The following ABHD14B variants were observed in gnomAD, a reference collection of about 807,000 sequenced individuals.
ABHD14B encodes the protein putative protein-lysine deacylase ABHD14B.
ABHD14B carries 19 observed loss-of-function variants against 15.4 expected under a neutral mutation model. The observed-to-expected ratio is 1.23, with a 90% CI of 0.86 to 1.81. The LOEUF is 1.81. Ranked by LOEUF, ABHD14B falls within the 40% of genes most tolerant of loss-of-function variation. ABHD14B has a pLI of 0.00. For missense variants in ABHD14B, 243 were observed against 267.0 expected, an observed-to-expected ratio of 0.91 and a Z score of 0.63; for synonymous variants, 92 against 117.3, an observed-to-expected ratio of 0.78 and a Z score of 1.39.
In ABHD14B at chr3:51,969,267, G is replaced by C. The variant is rs1489132106; in HGVS notation, c.*159C>G. 1 of 777,892 alleles carries C rather than the reference G, an allele frequency of 1.3e-6. No individual in the cohort carries two copies. Among genetic ancestry groups the C allele is most frequent in the East Asian group, 2.7e-5 (1 of 37,112 alleles). 48.2% of individuals were successfully genotyped at this position (777,892 alleles called of 1,614,324 possible). ...TCAGTCTATCACTGCAAGAGAAAGA[G>C]GTAGAAAAGACAAACAGACCACAAA... On this transcript the variant is annotated 3_prime_UTR_variant, in exon 4 of 4. Coordinates refer to ENST00000361143, the MANE Select transcript of ABHD14B (RefSeq NM_001146314.2).
chr3:51,973,977 G>T lies in ABHD14B; in HGVS notation c.-41C>A, dbSNP rs1700722586. On this transcript the variant is annotated 5_prime_UTR_variant, in exon 1 of 4. Coordinates refer to ENST00000361143, the MANE Select transcript of ABHD14B (RefSeq NM_001146314.2). The stretch of plus-strand genomic sequence containing the variant: ...GCAGGGCGGGTACCTGGGGAGCTGC[G>T]TGGACTCGCGCAGACGGGAAGCAGG... The T allele has an allele frequency of 1.6e-6, 2 of 1,289,468 alleles. No homozygotes were observed. Among genetic ancestry groups the T allele is most frequent in the East Asian group, 1.1e-4 (2 of 18,038 alleles). The allele number at this position is 1,289,468 out of a possible 1,614,324, so 79.9% of individuals were successfully genotyped here.
intron 1 of ABHD14B, among the ~76,000 whole-genome samples, chr3:51,972,077 TCTA>T (rs888414253): frequency 1.4e-5 from 2 of 140,420 alleles, no homozygotes; most frequent in African/African-American, 5.4e-5. Context: ...GAACCCCGTC[TCTA>T]CTAAAAAGAA....
Position 51,970,188 on chromosome 3 carries a change from C to T in ABHD14B, c.212-4G>A. 6.6e-7 allele frequency: 1 copy of T among 1,522,092 alleles called. No individual in the cohort carries two copies. The highest frequency in any genetic ancestry group is 8.8e-7 in the Non-Finnish European group (1 of 1,138,496). 94.3% of individuals were successfully genotyped at this position (1,522,092 alleles called of 1,614,324 possible). On this transcript the variant is annotated splice_region_variant and splice_polypyrimidine_tract_variant and intron_variant, in intron 2 of 3. Transcript: ENST00000361143. ...GCTTCCTTGGAGTGCCCCAGACCTG[C>T]AGGGATTCAGGTGTGAAAGAGACAA...
At chr3:51,971,199 G>A (rs1700645837) in intron 2 of ABHD14B, 1 of 485,960 alleles carries the variant, frequency 2.1e-6, no homozygotes, top group African/African-American at 1.9e-5. Context: ...AGGAAACAGA[G>A]GCTCAGAGAC....
At position 51,969,606 on chromosome 3, in the gene ABHD14B, C is replaced by G; in HGVS notation, c.454-1G>C. The G allele has an allele frequency of 6.2e-7, 1 of 1,610,594 alleles. No individual in the cohort carries two copies. The highest frequency in any genetic ancestry group is 8.5e-7 in the Non-Finnish European group (1 of 1,178,380). ...CTCCATATACAATCAGAGCTGGAGT[C>G]TGAGAGGAAGGATAGGGGGGTGGGG... On this transcript the variant is annotated splice_acceptor_variant, in intron 3 of 3. Coordinates refer to ENST00000361143, the MANE Select transcript of ABHD14B (RefSeq NM_001146314.2). LOFTEE classifies it high-confidence loss of function.
In ABHD14B at chr3:51,969,868, C is replaced by T. The variant is rs1577708261; in HGVS notation, c.453+75G>A. 4 of 1,612,336 alleles carry T rather than the reference C, an allele frequency of 2.5e-6. No individual in the cohort carries two copies. The East Asian group carries it at 8.9e-5, about 36-fold the overall frequency. ...AAGACACCCCTTGATTATCCAGCCC[C>T]CAGATGAGGAAAGCCCAGGGATGCA... On this transcript the variant is annotated intron_variant, in intron 3 of 3. Coordinates refer to ENST00000361143, the MANE Select transcript of ABHD14B (RefSeq NM_001146314.2).
Position 51,969,854 on chromosome 3 carries a change from T to C in ABHD14B, c.453+89A>G, listed in dbSNP as rs747155520. On this transcript the variant is annotated intron_variant, in intron 3 of 3. Transcript: ENST00000361143. ...TCAGCTCCTCCCAGAAGACACCCCT[T>C]GATTATCCAGCCCCCAGATGAGGAA... is the stretch of plus-strand genomic sequence containing the variant. 5.0e-6 allele frequency: 8 copies of C among 1,608,448 alleles called. No homozygotes were observed. In the African/African-American group the frequency reaches 6.7e-5, roughly 13 times the overall value.
At chr3:51,972,507 A>G (rs1005539270) in intron 1 of ABHD14B, among the ~76,000 whole-genome samples, 2 of 152,182 alleles carry the variant, frequency 1.3e-5, no homozygotes, top group Non-Finnish European at 2.9e-5. Flanking sequence ...CAGGAGGCAG[A>G]GGTTGCAGTG....
intron 1 of ABHD14B, 90 bp from the exon 2 acceptor site, chr3:51,971,788 G>T: frequency 6.8e-7 from 1 of 1,469,522 alleles, no homozygotes; most frequent in Non-Finnish European, 9.0e-7. Flanking sequence ...CCTCCAGGAG[G>T]TTTCCAGAAC....
At chr3:51,972,236 CAAAA>C (rs1167050121) in intron 1 of ABHD14B, among the ~76,000 whole-genome samples, 1 of 40,880 alleles carries the variant, frequency 2.4e-5, no homozygotes, top group Non-Finnish European at 4.8e-5. Context: ...GACTCGGTCA[CAAAA>C]AAAAAAAAAA....
intron 3 of ABHD14B, 102 bp from the exon 4 acceptor site, chr3:51,969,707 G>A: frequency 6.8e-7 from 1 of 1,475,292 alleles, no homozygotes; most frequent in Non-Finnish European, 9.3e-7. Flanking sequence ...CCCCATATGA[G>A]GGAGAGAGAC....
Position 51,969,527 on chromosome 3 carries a change from G to A in ABHD14B, c.532C>T (p.His178Tyr), listed in dbSNP as rs763679243. 46 of 1,613,842 alleles carry A rather than the reference G, an allele frequency of 2.9e-5. No homozygotes were observed. The East Asian group carries it at 4.7e-4, about 16-fold the overall frequency. The stretch of plus-strand genomic sequence containing the variant: ...GCCCCCTTCATGATCAGCACCCGGT[G>A]GTTGGGCAGCTGCTTCAGGTGCTCA... ...SFEHLKQLPN[H>Y]RVLIMKGAGH... Residue 178 changes from histidine (H) to tyrosine (Y), a missense_variant, in exon 4 of 4, where the codon CAC becomes TAC. His to Tyr is a moderately conservative substitution (Grantham distance 83). Transcript: ENST00000361143.
chr3:51,969,604 G>C lies in ABHD14B; in HGVS notation c.455C>G (p.Thr152Ser), dbSNP rs926860940. Residue 152 changes from threonine (T) to serine (S), a missense_variant and splice_region_variant, in exon 4 of 4, where the codon ACT becomes AGT. By Grantham distance (58) the Thr-to-Ser change is moderately conservative. Coordinates refer to ENST00000361143, the MANE Select transcript of ABHD14B (RefSeq NM_001146314.2). ...GTCTCCATATACAATCAGAGCTGGA[G>C]TCTGAGAGGAAGGATAGGGGGGTGG... ...INAANYASVK[T>S]PALIVYGDQD... The C allele has an allele frequency of 6.2e-7, 1 of 1,611,342 alleles. No individual in the cohort carries two copies.
intron 1 of ABHD14B, among the ~76,000 whole-genome samples, chr3:51,973,126 G>T (rs1341269419): frequency 7.0e-6 from 1 of 143,328 alleles, no homozygotes; most frequent in Non-Finnish European, 1.5e-5. Flanking sequence ...CTCACTGCAA[G>T]CTCCGCCTCC....
upstream of ABHD14B, chr3:51,974,137 G>T: frequency 1.0e-6 from 1 of 992,678 alleles, no homozygotes; most frequent in Non-Finnish European, 1.3e-6. Flanking sequence ...CATAGACTCC[G>T]CTAAACTCGT....
rs760808807 is a variant in ABHD14B at position 51,969,490 on chromosome 3, CAG to C, written c.567_568del (p.Cys190LeufsTer80). 25 of 1,613,970 alleles carry C rather than the reference CAG, an allele frequency of 1.5e-5. No individual in the cohort carries two copies. Among genetic ancestry groups the C allele is most frequent in the Middle Eastern group, 1.7e-4 (1 of 6,046 alleles). On this transcript the variant is annotated frameshift_variant, in exon 4 of 4. Coordinates refer to ENST00000361143, the MANE Select transcript of ABHD14B (RefSeq NM_001146314.2). LOFTEE classifies it high-confidence loss of function. ...CCACTCCTCTGGTTTGTCCAGGTAA[CAG>C]GGGTGCCCCGCCCCCTTCATGATCA... is the stretch of plus-strand genomic sequence containing the variant.
In ABHD14B at chr3:51,968,608, C is replaced by G. The variant is rs957996443; in HGVS notation, c.*818G>C. On this transcript the variant is annotated 3_prime_UTR_variant, in exon 4 of 4. Coordinates refer to ENST00000361143, the MANE Select transcript of ABHD14B (RefSeq NM_001146314.2). ...ACAAGCTTGGCTGAGATGCCTCAGG[C>G]CTGGTAACCTGAGGTGTAGAGCACC... 2.7e-5 allele frequency: 4 copies of G among 149,246 alleles called. No homozygotes were observed. The highest frequency in any genetic ancestry group is 6.6e-5 in the Admixed American group (1 of 15,260). The allele number at this position is 149,246 out of a possible 1,614,324, so 9.2% of individuals were successfully genotyped here.
At chr3:51,973,506 T>TTTTTTTTTTTTTTTC (rs1559772660) in intron 1 of ABHD14B, among the ~76,000 whole-genome samples, 2 of 122,664 alleles carry the variant, frequency 1.6e-5, no homozygotes, top group African/African-American at 8.3e-5. Flanking sequence ...TTTTCTTCGG[T>TTTTTTTTTTTTTTTC]TTTTTTTTTT....
At chr3:51,970,278 A>C (rs978325404) in intron 2 of ABHD14B, 94 bp from the exon 3 acceptor site, 22 of 1,492,470 alleles carry the variant, frequency 1.5e-5, no homozygotes, top group South Asian at 1.4e-5. Flanking sequence ...CTCCTAGGTC[A>C]GTTTCTCTGT....
Sources: allele counts gnomAD v4.1 joint callset (sites outside exome capture counted in the v4.1 genomes callset), GRCh38; gene constraint gnomAD v4.1.1; transcripts MANE v1.5; gene names NCBI Gene and HGNC (gene_info 2026-07-23, HGNC 2026-07-21).